OR9Q1: variants seen among roughly 807,000 people sequenced by gnomAD.
OR9Q1 encodes the protein olfactory receptor 9Q1.
For missense variants in OR9Q1, 374 were observed against 378.8 expected, an observed-to-expected ratio of 0.99 and a Z score of 0.11; for synonymous variants, 153 against 148.6, an observed-to-expected ratio of 1.03 and a Z score of -0.22.
At chr11:58,072,720 T>G (rs555595608) in intron 2 of OR9Q1, 1 of 155,234 alleles carries the variant, frequency 6.4e-6, no homozygotes, top group Non-Finnish European at 1.5e-5. Context: ...AGCATATTAC[T>G]CGGATGATAA....
In OR9Q1 at chr11:58,055,951, A is replaced by T. The variant is rs74623383; in HGVS notation, c.-15+4A>T. The T allele has an allele frequency of 0.021, 3,171 of 152,862 alleles. 107 individuals are homozygous for T. The highest frequency in any genetic ancestry group is 0.067 in the African/African-American group (2,780 of 41,520). 9.5% of individuals were successfully genotyped at this position (152,862 alleles called of 1,614,324 possible). On this transcript the variant is annotated splice_donor_region_variant and intron_variant, in intron 2 of 2. Coordinates refer to ENST00000335397, the MANE Select transcript of OR9Q1 (RefSeq NM_001005212.4). ...GGACTTCCCAGCCTCCTGAACTGTA[A>T]GCAATATATTTCTATTATTTATAAG...
At chr11:58,050,495 CT>C (rs1251102879) in intron 1 of OR9Q1, among the ~76,000 whole-genome samples, 1 of 111,998 alleles carries the variant, frequency 8.9e-6, no homozygotes, top group Non-Finnish European at 1.8e-5. Context: ...CATAAAAACC[CT>C]AGAAGAAAAC....
At chr11:58,121,163 CCTTT>C (rs35639120) in intron 2 of OR9Q1, among the ~76,000 whole-genome samples, 32,129 of 151,782 alleles carry the variant, frequency 0.21, 4,509 homozygotes, top group East Asian at 0.58. Flanking sequence ...AATAAATGCT[CCTTT>C]CTTTTGATCT....
At chr11:58,088,161 T>C (rs1853651455) in intron 2 of OR9Q1, among the ~76,000 whole-genome samples, 2 of 151,922 alleles carry the variant, frequency 1.3e-5, no homozygotes, top group Admixed American at 1.3e-4. Flanking sequence ...TCATTCTTTT[T>C]GATGGCTGCA....
intron 2 of OR9Q1, among the ~76,000 whole-genome samples, chr11:58,159,220 C>T (rs1300428050): frequency 6.6e-6 from 1 of 152,156 alleles, no homozygotes; most frequent in Non-Finnish European, 1.5e-5. Flanking sequence ...TTGGTATGTG[C>T]TGGCAAATAA....
chr11:58,179,731 G>A lies in OR9Q1; in HGVS notation c.287G>A (p.Arg96His), dbSNP rs767408943. The A allele has an allele frequency of 3.0e-5, 49 of 1,614,044 alleles. No individual in the cohort carries two copies. The South Asian group carries it at 3.5e-4, about 12-fold the overall frequency. The change falls in exon 3 of 3, where the codon CGC (arginine) becomes CAC (histidine). Residue 96 changes from arginine to histidine, a missense_variant. By Grantham distance (29) the Arg-to-His change is conservative. Transcript: ENST00000335397. The part of the protein sequence containing the change: ...LEHGAALSYT[R>H]CAAQFFLFTF... ...CATGGGGCAGCTTTATCTTACACAC[G>A]CTGTGCTGCTCAGTTCTTTCTGTTC...
At chr11:58,083,697 A>G (rs986376353) in intron 2 of OR9Q1, among the ~76,000 whole-genome samples, 1 of 151,348 alleles carries the variant, frequency 6.6e-6, no homozygotes, top group Non-Finnish European at 1.5e-5. Context: ...TTATCCCAGC[A>G]CCATTTATCG....
chr11:58,043,688 C>T (rs529443443), intron 1 of OR9Q1, among the ~76,000 whole-genome samples: 1 of 152,330 alleles, frequency 6.6e-6, no homozygotes, highest in South Asian at 2.1e-4. Flanking sequence ...TTGTTTAAGG[C>T]CTGTGTCACA....
At chr11:58,117,555 TAC>T (rs1554969226) in intron 2 of OR9Q1, 2 of 152,240 alleles carry the variant, frequency 1.3e-5, no homozygotes, top group Non-Finnish European at 2.9e-5. Flanking sequence ...TCAAGGGTTT[TAC>T]AGTCTGGTAC....
chr11:58,162,601 A>C (rs1162133677), intron 2 of OR9Q1, among the ~76,000 whole-genome samples: 1 of 152,220 alleles, frequency 6.6e-6, no homozygotes, highest in Non-Finnish European at 1.5e-5. Context: ...AACAATGTTC[A>C]CTACAGTACC....
At chr11:58,173,017 TA>T (rs549016374) in intron 2 of OR9Q1, among the ~76,000 whole-genome samples, 1 of 151,834 alleles carries the variant, frequency 6.6e-6, no homozygotes, top group Non-Finnish European at 1.5e-5. Context: ...CTATAAGTGG[TA>T]AAAAAAATTA....
At chr11:58,069,058 C>G (rs1187717337) in intron 2 of OR9Q1, among the ~76,000 whole-genome samples, 1 of 152,122 alleles carries the variant, frequency 6.6e-6, no homozygotes, top group Admixed American at 6.5e-5. Flanking sequence ...GAGTGACAGT[C>G]CAGTGCCTCT....
intron 2 of OR9Q1, among the ~76,000 whole-genome samples, chr11:58,113,946 G>A (rs928439843): frequency 8.6e-5 from 13 of 151,900 alleles, no homozygotes; most frequent in African/African-American, 3.1e-4. Flanking sequence ...CCTGTGAAGA[G>A]CTTCTGTGAA....
chr11:58,047,874 C>G (rs761127270), intron 1 of OR9Q1, among the ~76,000 whole-genome samples: 1 of 152,128 alleles, frequency 6.6e-6, no homozygotes, highest in Non-Finnish European at 1.5e-5. Context: ...CAGAGAGAGA[C>G]TCCGTCTCAC....
intron 2 of OR9Q1, among the ~76,000 whole-genome samples, chr11:58,069,595 T>A (rs1853466501): frequency 1.3e-5 from 2 of 152,182 alleles, no homozygotes; most frequent in South Asian, 4.1e-4. Flanking sequence ...CTCCTCAGGC[T>A]GGGCGCCATG....
chr11:58,170,079 A>T (rs1854540300), intron 2 of OR9Q1, among the ~76,000 whole-genome samples: 2 of 152,098 alleles, frequency 1.3e-5, no homozygotes, highest in Non-Finnish European at 2.9e-5. Flanking sequence ...CCATGTTGGT[A>T]TGTTGCTTTG....
At chr11:58,166,973 C>G (rs1203083366) in intron 2 of OR9Q1, among the ~76,000 whole-genome samples, 1 of 152,134 alleles carries the variant, frequency 6.6e-6, no homozygotes, top group Non-Finnish European at 1.5e-5. Context: ...GAACAACATA[C>G]ATTGTAGCAT....
intron 2 of OR9Q1, among the ~76,000 whole-genome samples, chr11:58,157,824 A>G (rs1206732803): frequency 2.0e-5 from 3 of 152,182 alleles, no homozygotes; most frequent in African/African-American, 7.2e-5. Flanking sequence ...AAAACTGGAG[A>G]AGCAGACGTG....
At chr11:58,079,183 T>C (rs1853566279) in intron 2 of OR9Q1, among the ~76,000 whole-genome samples, 1 of 151,898 alleles carries the variant, frequency 6.6e-6, no homozygotes, top group Non-Finnish European at 1.5e-5. Flanking sequence ...CAGAAGGAAG[T>C]CAAGGATCTT....
Sources: allele counts gnomAD v4.1 joint callset (sites outside exome capture counted in the v4.1 genomes callset), GRCh38; gene constraint gnomAD v4.1.1; transcripts MANE v1.5; gene names NCBI Gene and HGNC (gene_info 2026-07-23, HGNC 2026-07-21).